JDP2: variants seen among roughly 807,000 people sequenced by gnomAD.
JDP2 encodes Jun dimerization protein 2.
JDP2 carries 9 observed loss-of-function variants against 17.1 expected under a neutral mutation model. That is an observed-to-expected ratio of 0.53 (90% CI 0.32 to 0.92). The LOEUF is 0.92. JDP2 is among the 40% of genes least tolerant of loss of function. JDP2 has a pLI of 0.04. For synonymous variants in JDP2, 107 were observed against 95.6 expected, an observed-to-expected ratio of 1.12 and a Z score of -0.69; for missense variants, 179 against 220.0, an observed-to-expected ratio of 0.81 and a Z score of 1.18.
At chr14:75,444,003 A>G (rs1318540917) in intron 2 of JDP2, among the ~76,000 whole-genome samples, 1 of 152,080 alleles carries the variant, frequency 6.6e-6, no homozygotes, top group Non-Finnish European at 1.5e-5. Flanking sequence ...CTTGAGCTCA[A>G]GAAATCCTCT....
rs537179343 is a variant in JDP2, at chr14:75,434,023, C to T, written c.-23-3875C>T. On this transcript the variant is annotated intron_variant, in intron 1 of 3. Coordinates refer to ENST00000651602, the MANE Select transcript of JDP2 (RefSeq NM_001135048.2). ...TCTTCTTTTCCTACTAAATTGTTTC[C>T]GTATGGAACAACCAGTGTGGGAGAT... 4.6e-5 allele frequency among the ~76,000 whole-genome samples: 7 copies of T among 152,200 alleles called. No homozygotes were observed. The East Asian group carries it at 1.2e-3, about 25-fold the overall frequency.
rs1884768990 is a variant in JDP2 at position 75,430,946 on chromosome 14, G to C, written c.-24+2694G>C. ...GCCTGGCCAGAGCCCACCATTCTTA[G>C]TTGTTGTTGTTTTTTAGTCTGTTTT... On this transcript the variant is annotated intron_variant, in intron 1 of 3. Coordinates refer to ENST00000651602, the MANE Select transcript of JDP2 (RefSeq NM_001135048.2). The surrounding 1 kb of genome is among the most constrained non-coding windows in gnomAD (Gnocchi z 4.5). Among the ~76,000 whole-genome samples the C allele has an allele frequency of 6.6e-6, 1 of 152,128 alleles. No individual in the cohort carries two copies. Among genetic ancestry groups the C allele is most frequent in the African/African-American group, 2.4e-5 (1 of 41,406 alleles).
At chr14:75,463,286 A>C (rs1284581444) in intron 3 of JDP2, among the ~76,000 whole-genome samples, 1 of 152,218 alleles carries the variant, frequency 6.6e-6, no homozygotes, top group African/African-American at 2.4e-5. Flanking sequence ...AGATAATATT[A>C]TTTATCCCCA....
intron 1 of JDP2, among the ~76,000 whole-genome samples, chr14:75,436,462 G>A (rs76830933): frequency 0.012 from 1,845 of 152,362 alleles, 36 homozygotes; most frequent in African/African-American, 0.042. Context: ...CTAAGCCAGC[G>A]AATATTTTGA....
intron 2 of JDP2, among the ~76,000 whole-genome samples, chr14:75,458,866 G>C (rs1271171844): frequency 6.6e-6 from 1 of 152,226 alleles, no homozygotes; most frequent in Non-Finnish European, 1.5e-5. Context: ...GGCTGGCTTG[G>C]AGAAGGGTGA....
At chr14:75,442,439 A>G (rs760749698) in intron 2 of JDP2, among the ~76,000 whole-genome samples, 3 of 152,078 alleles carry the variant, frequency 2.0e-5, no homozygotes, top group Non-Finnish European at 2.9e-5. Flanking sequence ...GCTTCATACC[A>G]TCTGTGTTGC....
chr14:75,460,537 G>A (rs1011617397), intron 2 of JDP2, among the ~76,000 whole-genome samples: 2 of 152,162 alleles, frequency 1.3e-5, no homozygotes, highest in South Asian at 2.1e-4. Context: ...TGCCCAAGAC[G>A]TTTTTAAAGG....
chr14:75,432,265 A>G, intron 1 of JDP2: 1 of 1,515,960 alleles, frequency 6.6e-7, no homozygotes. Context: ...TCCAAGAGAG[A>G]GGTCATCCTG....
chr14:75,462,991 AC>A (rs1886406376), intron 3 of JDP2, among the ~76,000 whole-genome samples: 1 of 152,242 alleles, frequency 6.6e-6, no homozygotes, highest in Admixed American at 6.5e-5. Context: ...ATGAAGTGCC[AC>A]ATACCTCATT....
chr14:75,461,773 G>T (rs539713217), intron 3 of JDP2, among the ~76,000 whole-genome samples: 2 of 152,292 alleles, frequency 1.3e-5, no homozygotes, highest in East Asian at 3.9e-4. Flanking sequence ...AAGAAGGAAG[G>T]AGGAGCCAAA....
At chr14:75,432,472 C>G in intron 1 of JDP2, 1 of 822,018 alleles carries the variant, frequency 1.2e-6, no homozygotes, top group East Asian at 2.7e-5. Flanking sequence ...TGTTGAGTCT[C>G]AGTCGCCATT....
chr14:75,454,543 A>G (rs1005696070), intron 2 of JDP2, among the ~76,000 whole-genome samples: 3 of 152,254 alleles, frequency 2.0e-5, no homozygotes, highest in African/African-American at 7.2e-5. Context: ...GAAGGTGATG[A>G]TAGACTGAGA....
intron 3 of JDP2, among the ~76,000 whole-genome samples, chr14:75,465,058 A>G (rs575938228): frequency 3.3e-5 from 5 of 152,324 alleles, no homozygotes; most frequent in African/African-American, 9.6e-5. Flanking sequence ...ATGAAGTTCA[A>G]GGTCACCCAG....
chr14:75,433,081 G>A (rs2140034968), intron 1 of JDP2, among the ~76,000 whole-genome samples: 1 of 148,960 alleles, frequency 6.7e-6, no homozygotes, highest in South Asian at 2.1e-4. Flanking sequence ...TGTAATCCCA[G>A]CTACTCAAGA....
At chr14:75,432,394 G>A (rs1884849172) in intron 1 of JDP2, 7 of 1,498,050 alleles carry the variant, frequency 4.7e-6, no homozygotes, top group Non-Finnish European at 6.4e-6. Flanking sequence ...GTGGACTCCT[G>A]CCCTCCGCAT....
At chr14:75,431,436 T>C (rs548117305) in intron 1 of JDP2, among the ~76,000 whole-genome samples, 1 of 152,202 alleles carries the variant, frequency 6.6e-6, no homozygotes, top group Admixed American at 6.5e-5. Context: ...CTACCGCTCC[T>C]TGTCTTCTTA....
At chr14:75,444,318 G>A (rs972651350) in intron 2 of JDP2, among the ~76,000 whole-genome samples, 15 of 152,164 alleles carry the variant, frequency 9.9e-5, no homozygotes, top group Middle Eastern at 6.8e-3. Flanking sequence ...TGTGTTGATC[G>A]TGCAAAGTAG....
chr14:75,461,538 GA>G lies in JDP2; in HGVS notation c.306+9del, dbSNP rs1240979227. ...ACGGAGTTTCTGCAGCGGGTGAGCT[GA>G]CCGGGTGGGTGGGGAGGCCTGCCAT... On this transcript the variant is annotated intron_variant, in intron 3 of 3. Transcript: ENST00000651602. 2.5e-6 allele frequency: 4 copies of G among 1,590,434 alleles called. No homozygotes were observed. The South Asian group carries it at 4.6e-5, about 18-fold the overall frequency.
intron 2 of JDP2, among the ~76,000 whole-genome samples, chr14:75,448,737 A>ATT (rs111673602): frequency 3.9e-5 from 6 of 152,304 alleles, no homozygotes; most frequent in African/African-American, 1.4e-4. Flanking sequence ...TGGTTCCTTC[A>ATT]TTGTTTTAGA....
Sources: gnomAD v4.1 joint callset for allele counts (sites outside exome capture counted in the v4.1 genomes callset) on GRCh38, gnomAD v4.1.1 for gene constraint, Gnocchi (gnomAD v3.1) non-coding constraint, MANE v1.5 for transcripts, NCBI Gene and HGNC (gene_info 2026-07-23, HGNC 2026-07-21) for gene names.